CTNNA3: variants seen among roughly 807,000 people sequenced by gnomAD.
The protein encoded by CTNNA3 is catenin alpha-3.
Under a neutral mutation model 95.7 loss-of-function variants are expected in CTNNA3, and 76 were observed. The observed-to-expected ratio is 0.79, with a 90% CI of 0.66 to 0.96. The LOEUF is 0.96. Among genes scored for constraint, CTNNA3 ranks in the 40% least tolerant of loss-of-function variants. The pLI is 0.00. For missense variants in CTNNA3, 1,191 were observed against 1,089.8 expected, an observed-to-expected ratio of 1.09 and a Z score of -1.31; for synonymous variants, 431 against 374.4, an observed-to-expected ratio of 1.15 and a Z score of -1.74.
intron 10 of CTNNA3, among the ~76,000 whole-genome samples, chr10:66,552,118 C>T (rs1160055411): frequency 2.0e-5 from 3 of 151,786 alleles, no homozygotes; most frequent in Non-Finnish European, 4.4e-5. Flanking sequence ...TTAGCCACGA[C>T]GGTCTCCATC....
intron 7 of CTNNA3, among the ~76,000 whole-genome samples, chr10:66,793,092 A>T (rs1055169804): frequency 6.6e-6 from 1 of 152,130 alleles, no homozygotes; most frequent in South Asian, 2.1e-4. Context: ...TGGATGTCCA[A>T]TGGTAATCCA....
chr10:66,674,722 T>C (rs973311314), intron 9 of CTNNA3, among the ~76,000 whole-genome samples: 5 of 152,094 alleles, frequency 3.3e-5, no homozygotes, highest in Admixed American at 6.6e-5. Context: ...CTTTATTATC[T>C]GTTCATATGT....
At chr10:66,628,866 G>A (rs1048977089) in intron 9 of CTNNA3, among the ~76,000 whole-genome samples, 1 of 152,000 alleles carries the variant, frequency 6.6e-6, no homozygotes, top group Non-Finnish European at 1.5e-5. Flanking sequence ...ACTACATATA[G>A]TTAGATGTGT....
At chr10:66,716,740 G>A (rs1199173394) in intron 9 of CTNNA3, among the ~76,000 whole-genome samples, 3 of 152,146 alleles carry the variant, frequency 2.0e-5, no homozygotes, top group Non-Finnish European at 4.4e-5. Context: ...TACCCTAGGA[G>A]TAAGGTTGAG....
At chr10:66,942,159 G>A (rs905124701) in intron 7 of CTNNA3, among the ~76,000 whole-genome samples, 34 of 152,276 alleles carry the variant, frequency 2.2e-4, no homozygotes, top group South Asian at 6.2e-4. Flanking sequence ...GTCAGTAAAA[G>A]TTAGTTTTCT....
chr10:67,226,432 C>T (rs150392524), intron 5 of CTNNA3, among the ~76,000 whole-genome samples: 1,589 of 152,186 alleles, frequency 0.01, 17 homozygotes, highest in African/African-American at 0.025. Context: ...TCAGGTTATC[C>T]GAAGTTAAGA....
intron 15 of CTNNA3, among the ~76,000 whole-genome samples, chr10:66,008,159 A>G (rs1004537836): frequency 2.6e-5 from 4 of 152,168 alleles, no homozygotes; most frequent in Non-Finnish European, 5.9e-5. Flanking sequence ...TCACTGAAAC[A>G]TGAGATACTG....
At chr10:67,339,868 G>C (rs890950819) in intron 5 of CTNNA3, among the ~76,000 whole-genome samples, 1 of 152,072 alleles carries the variant, frequency 6.6e-6, no homozygotes, top group African/African-American at 2.4e-5. Context: ...AATAAGAACT[G>C]TTCAGTTGGA....
chr10:67,682,688 A>G (rs1307132179), intron 1 of CTNNA3, among the ~76,000 whole-genome samples: 1 of 152,226 alleles, frequency 6.6e-6, no homozygotes, highest in African/African-American at 2.4e-5. Context: ...AAATTTTAAA[A>G]TAAACATTCC....
rs372828939 is a variant in CTNNA3, at chr10:67,571,003, A to T, written c.293-31334T>A. Among the ~76,000 whole-genome samples, 438 of 152,318 alleles carry T rather than the reference A, an allele frequency of 2.9e-3. 20 individuals carry two copies. In the South Asian group the frequency reaches 0.086, roughly 30 times the overall value. Reference sequence around the variant, plus strand: ...AAGATAAGGATGCTGGGGCATCCTTACAAAATTTTTTAGTCAAACAGTAAC... The same window carrying T: ...AAGATAAGGATGCTGGGGCATCCTTTCAAAATTTTTTAGTCAAACAGTAAC... On this transcript the variant is annotated intron_variant, in intron 3 of 17. Coordinates refer to ENST00000433211, the MANE Select transcript of CTNNA3 (RefSeq NM_013266.4).
chr10:67,361,218 T>C (rs1842981188), intron 5 of CTNNA3, among the ~76,000 whole-genome samples: 1 of 152,114 alleles, frequency 6.6e-6, no homozygotes, highest in Non-Finnish European at 1.5e-5. Context: ...GACAGATCAC[T>C]GAGGCAGAAC....
intron 16 of CTNNA3, among the ~76,000 whole-genome samples, chr10:65,971,906 C>G (rs574891461): frequency 3.3e-5 from 5 of 152,086 alleles, no homozygotes; most frequent in African/African-American, 9.6e-5. Flanking sequence ...TGCAAAAATC[C>G]TCAACAAAAT....
intron 11 of CTNNA3, among the ~76,000 whole-genome samples, chr10:66,494,996 T>C (rs139341970): frequency 4.6e-5 from 7 of 152,320 alleles, no homozygotes; most frequent in East Asian, 3.9e-4. Flanking sequence ...TCATTGCGTA[T>C]TGAACGCAGA....
intron 12 of CTNNA3, among the ~76,000 whole-genome samples, chr10:66,301,269 C>A (rs548546534): frequency 2.0e-5 from 3 of 152,034 alleles, no homozygotes; most frequent in Non-Finnish European, 4.4e-5. Context: ...TATACCAATT[C>A]TTTCCATCTC....
At chr10:65,988,170 GAGA>G (rs1343209876) in intron 16 of CTNNA3, among the ~76,000 whole-genome samples, 3 of 152,066 alleles carry the variant, frequency 2.0e-5, no homozygotes, top group Non-Finnish European at 4.4e-5. Context: ...ATAGCTATAT[GAGA>G]AGATTTTGAA....
chr10:66,554,279 T>C (rs750454728), intron 10 of CTNNA3, among the ~76,000 whole-genome samples: 1 of 152,162 alleles, frequency 6.6e-6, no homozygotes, highest in Non-Finnish European at 1.5e-5. Flanking sequence ...AATACAGATA[T>C]TTTATCTTTG....
chr10:66,199,797 A>T (rs1589710129), intron 13 of CTNNA3, among the ~76,000 whole-genome samples: 2 of 16,400 alleles, frequency 1.2e-4, no homozygotes, highest in African/African-American at 3.4e-4. Context: ...ATATATATAT[A>T]TATATATATT....
chr10:66,071,585 C>T (rs1001274695), intron 14 of CTNNA3, among the ~76,000 whole-genome samples: 1 of 152,064 alleles, frequency 6.6e-6, no homozygotes, highest in Non-Finnish European at 1.5e-5. Context: ...AATAATATTG[C>T]CCACAATATA....
chr10:67,117,985 C>A (rs1364827075), intron 7 of CTNNA3, among the ~76,000 whole-genome samples: 3 of 152,096 alleles, frequency 2.0e-5, no homozygotes, highest in South Asian at 4.1e-4. Flanking sequence ...TAACACATTA[C>A]AGCAAATAAT....
Sources: allele counts gnomAD v4.1 joint callset (sites outside exome capture counted in the v4.1 genomes callset), GRCh38; gene constraint gnomAD v4.1.1; transcripts MANE v1.5; gene names NCBI Gene and HGNC (gene_info 2026-07-23, HGNC 2026-07-21).